C10orf90: variants seen among roughly 807,000 people sequenced by gnomAD.
The protein encoded by C10orf90 is chromosome 10 open reading frame 90.
A neutral mutation model predicts 62.5 loss-of-function variants in C10orf90; 56 were observed. The observed-to-expected ratio is 0.90, with a 90% CI of 0.72 to 1.12. C10orf90 has a LOEUF of 1.12. Ranked by LOEUF, C10orf90 falls within the 50% of genes most tolerant of loss-of-function variation. The pLI, the probability that C10orf90 is intolerant of heterozygous loss-of-function variation, is 0.00. For synonymous variants in C10orf90, 386 were observed against 340.4 expected (o/e 1.13, Z -1.47); for missense variants, 970 against 880.4 (o/e 1.10, Z -1.29).
chr10:126,490,510 G>A (rs1861710783), intron 4 of C10orf90, among the ~76,000 whole-genome samples: 3 of 152,022 alleles, frequency 2.0e-5, no homozygotes, highest in Admixed American at 2.0e-4. Context: ...TAATGGGTAT[G>A]TGGAGTTTAC....
At chr10:126,454,511 C>T (rs1037511646) in intron 7 of C10orf90, among the ~76,000 whole-genome samples, 5 of 151,884 alleles carry the variant, frequency 3.3e-5, no homozygotes, top group Non-Finnish European at 5.9e-5. Flanking sequence ...GGGGCTGACC[C>T]CGTACTGCCT....
intron 2 of C10orf90, among the ~76,000 whole-genome samples, chr10:126,554,786 A>G (rs1300498949): frequency 6.6e-6 from 1 of 152,228 alleles, no homozygotes; most frequent in Non-Finnish European, 1.5e-5. Context: ...AGACGCTTTT[A>G]TTCCAAAAGA....
intron 4 of C10orf90, among the ~76,000 whole-genome samples, chr10:126,477,844 T>G (rs931185693): frequency 2.6e-5 from 4 of 152,186 alleles, no homozygotes; most frequent in Non-Finnish European, 4.4e-5. Flanking sequence ...AACATATCTG[T>G]AAAATCCTGT....
At chr10:126,509,044 G>A (rs531231738) in intron 3 of C10orf90, among the ~76,000 whole-genome samples, 8 of 152,312 alleles carry the variant, frequency 5.3e-5, no homozygotes, top group Admixed American at 1.3e-4. Context: ...GCTGCAGGCC[G>A]GTACATCCCT....
chr10:126,532,270 G>A (rs1348870181), intron 2 of C10orf90, among the ~76,000 whole-genome samples: 1 of 152,078 alleles, frequency 6.6e-6, no homozygotes, highest in African/African-American at 2.4e-5. Context: ...CCTCTTGGGC[G>A]GTATCAAATG....
intron 4 of C10orf90, among the ~76,000 whole-genome samples, chr10:126,478,934 C>G (rs1302276112): frequency 1.3e-5 from 2 of 152,204 alleles, no homozygotes; most frequent in African/African-American, 4.8e-5. Flanking sequence ...ACATCAGCCT[C>G]TGCCCCTCTG....
intron 1 of C10orf90, among the ~76,000 whole-genome samples, chr10:126,665,232 T>C (rs1026740396): frequency 6.6e-6 from 1 of 152,090 alleles, no homozygotes; most frequent in African/African-American, 2.4e-5. Flanking sequence ...ACAGCAAAAA[T>C]ACTGCTTGGA....
rs1015601667 is a variant in C10orf90 at position 126,453,409 on chromosome 10, A to G, written c.2188+5631T>C. Among the ~76,000 whole-genome samples, 2 of 152,152 alleles carry G rather than the reference A, an allele frequency of 1.3e-5. No homozygotes were observed. The highest frequency in any genetic ancestry group is 2.1e-4 in the South Asian group (1 of 4,822). Reference sequence around the variant, plus strand: ...GATGCAAGAATACCAAGATGCAAAGAGTGTTCAAATGGGAGTGAGAGGAGA... The same window carrying G: ...GATGCAAGAATACCAAGATGCAAAGGGTGTTCAAATGGGAGTGAGAGGAGA... On this transcript the variant is annotated intron_variant, in intron 7 of 9. Coordinates refer to ENST00000488181, the MANE Select transcript of C10orf90 (RefSeq NM_001350921.2). This position sits in a 1 kb window ranked among gnomAD's most constrained non-coding sequence, Gnocchi z 4.9.
intron 4 of C10orf90, among the ~76,000 whole-genome samples, chr10:126,490,719 T>C (rs1861721097): frequency 6.6e-6 from 1 of 152,088 alleles, no homozygotes; most frequent in South Asian, 2.1e-4. Context: ...TCTCTCTAAA[T>C]AGATATAGAG....
intron 1 of C10orf90, among the ~76,000 whole-genome samples, chr10:126,668,825 G>A (rs1414696892): frequency 6.6e-6 from 1 of 151,964 alleles, no homozygotes; most frequent in Non-Finnish European, 1.5e-5. Flanking sequence ...ATTGGGCCCT[G>A]AAAAAAATGT....
At chr10:126,647,045 A>T (rs1390177875) in intron 1 of C10orf90, among the ~76,000 whole-genome samples, 1 of 152,190 alleles carries the variant, frequency 6.6e-6, no homozygotes, top group African/African-American at 2.4e-5. Flanking sequence ...TGAGCCATTC[A>T]ATTTCAGGCG....
intron 7 of C10orf90, among the ~76,000 whole-genome samples, chr10:126,432,917 AAG>A (rs1407916893): frequency 6.6e-6 from 1 of 152,232 alleles, no homozygotes; most frequent in Non-Finnish European, 1.5e-5. Context: ...CCTTCAGAGT[AAG>A]AGAGTTGGAG....
chr10:126,659,098 G>A (rs543278044), intron 1 of C10orf90, among the ~76,000 whole-genome samples: 29 of 152,280 alleles, frequency 1.9e-4, no homozygotes, highest in African/African-American at 7.0e-4. Flanking sequence ...TCAGCAGTGA[G>A]GATATAAGCA....
At chr10:126,538,187 T>A (rs2133963802) in intron 2 of C10orf90, among the ~76,000 whole-genome samples, 1 of 152,276 alleles carries the variant, frequency 6.6e-6, no homozygotes, top group South Asian at 2.1e-4. Flanking sequence ...GAGAGTGTGT[T>A]CAGGGGAACT....
At chr10:126,506,941 T>C (rs1226742313) in intron 3 of C10orf90, among the ~76,000 whole-genome samples, 4 of 150,742 alleles carry the variant, frequency 2.7e-5, no homozygotes, top group African/African-American at 9.7e-5. Context: ...TGTGTGTGTG[T>C]GTGCGTGCGT....
chr10:126,514,976 T>C (rs4962566), intron 2 of C10orf90, among the ~76,000 whole-genome samples: 100,119 of 152,180 alleles, frequency 0.66, 33,736 homozygotes, highest in Middle Eastern at 0.78. Flanking sequence ...CAAGGGGCTG[T>C]AATAAATGGC....
intron 4 of C10orf90, among the ~76,000 whole-genome samples, chr10:126,491,702 A>C (rs1309937071): frequency 1.3e-5 from 2 of 152,238 alleles, no homozygotes; most frequent in Non-Finnish European, 2.9e-5. Context: ...GAGAATTTCT[A>C]GAAGGAAACA....
intron 1 of C10orf90, among the ~76,000 whole-genome samples, chr10:126,664,629 A>G (rs1846588861): frequency 6.6e-6 from 1 of 152,160 alleles, no homozygotes; most frequent in Non-Finnish European, 1.5e-5. Flanking sequence ...AAATGTGGAT[A>G]TGGTCTCCCC....
intron 7 of C10orf90, 81 bp downstream of exon 7, chr10:126,458,959 T>A: frequency 7.0e-7 from 1 of 1,434,244 alleles, no homozygotes; most frequent in African/African-American, 1.4e-5. Context: ...TTTGGAGCCA[T>A]CACCCCTGAG....
Sources: allele counts gnomAD v4.1 joint callset (sites outside exome capture counted in the v4.1 genomes callset), GRCh38; gene constraint gnomAD v4.1.1; non-coding constraint Gnocchi (gnomAD v3.1); transcripts MANE v1.5; gene names NCBI Gene and HGNC (gene_info 2026-07-23, HGNC 2026-07-21).